ZC3H12B: variants seen among roughly 807,000 people sequenced by gnomAD.
ZC3H12B encodes zinc finger CCCH-type containing 12B.
A neutral mutation model predicts 43.9 loss-of-function variants in ZC3H12B; 7 were observed. The observed-to-expected ratio is 0.16, with a 90% CI of 0.09 to 0.30. The LOEUF (loss-of-function observed/expected upper bound fraction) is 0.30. ZC3H12B is among the 10% of genes least tolerant of loss of function. ZC3H12B has a pLI of 1.00. For synonymous variants in ZC3H12B, 222 were observed against 241.7 expected, an observed-to-expected ratio of 0.92 and a Z score of 0.76; for missense variants, 475 against 670.2, an observed-to-expected ratio of 0.71 and a Z score of 3.22.
the ZC3H12B span, among the ~76,000 whole-genome samples, chrX:65,122,480 C>T: frequency 1.8e-5 from 2 of 111,108 alleles, no homozygotes; most frequent in African/African-American, 6.5e-5. Context: ...CATCAACTGA[C>T]AAGCAAAATA....
At chrX:65,382,225 C>G (rs1415785532) in intron 2 of ZC3H12B, among the ~76,000 whole-genome samples, 2 of 110,044 alleles carry the variant, frequency 1.8e-5, no homozygotes, top group African/African-American at 3.3e-5. Context: ...CAAACCGAAT[C>G]CAGCAGCACA....
upstream of ZC3H12B, among the ~76,000 whole-genome samples, chrX:65,362,865 T>C (rs747140401): frequency 9.0e-6 from 1 of 111,587 alleles, no homozygotes; most frequent in Admixed American, 9.5e-5. Flanking sequence ...AACCAAATTG[T>C]CTTGCCTATC....
chrX:65,224,487 G>A, the ZC3H12B span, among the ~76,000 whole-genome samples: 6 of 112,632 alleles, frequency 5.3e-5, no homozygotes, highest in Non-Finnish European at 7.5e-5. Context: ...CTGAAGTACC[G>A]GGTTCATCTC....
the ZC3H12B span, among the ~76,000 whole-genome samples, chrX:65,359,906 T>G: frequency 2.7e-5 from 3 of 111,950 alleles, no homozygotes; most frequent in African/African-American, 9.7e-5. Flanking sequence ...AAAGAGCCAA[T>G]GAATTTTGCA....
At chrX:65,118,292 G>T in the ZC3H12B span, among the ~76,000 whole-genome samples, 5 of 111,474 alleles carry the variant, frequency 4.5e-5, no homozygotes, top group Non-Finnish European at 9.4e-5. Flanking sequence ...CACGTAAGTT[G>T]GATTCTTAGG....
chrX:65,230,441 G>A, the ZC3H12B span, among the ~76,000 whole-genome samples: 1 of 108,519 alleles, frequency 9.2e-6, no homozygotes, highest in Non-Finnish European at 1.9e-5. Flanking sequence ...GCTAAATGAC[G>A]AGTTAATGGG....
At chrX:65,104,904 G>A in the ZC3H12B span, among the ~76,000 whole-genome samples, 9 of 111,624 alleles carry the variant, frequency 8.1e-5, no homozygotes, top group South Asian at 2.6e-3. Context: ...CCATTACTGT[G>A]TATATACCCA....
the ZC3H12B span, among the ~76,000 whole-genome samples, chrX:65,301,642 T>C: frequency 9.0e-6 from 1 of 110,961 alleles, no homozygotes; most frequent in Non-Finnish European, 1.9e-5. Flanking sequence ...CACTCATAAG[T>C]GGGAGCTAAG....
chrX:65,334,843 G>C, the ZC3H12B span, among the ~76,000 whole-genome samples: 1 of 111,281 alleles, frequency 9.0e-6, no homozygotes, highest in Admixed American at 9.6e-5. Flanking sequence ...TATGAAACAA[G>C]ACAAGGCAAT....
At chrX:65,376,039 G>T (rs1014520521) in intron 2 of ZC3H12B, among the ~76,000 whole-genome samples, 9 of 112,047 alleles carry the variant, frequency 8.0e-5, no homozygotes, top group African/African-American at 2.9e-4. Context: ...ATTTCTGGAC[G>T]TGCCTTGGGC....
At chrX:65,078,349 G>A in the ZC3H12B span, among the ~76,000 whole-genome samples, 92 of 112,339 alleles carry the variant, frequency 8.2e-4, no homozygotes, top group African/African-American at 2.8e-3. Context: ...TATAGATAGA[G>A]AATGAGTCCA....
chrX:65,398,984 T>C (rs1214578029), intron 3 of ZC3H12B, among the ~76,000 whole-genome samples: 1 of 111,849 alleles, frequency 8.9e-6, no homozygotes, highest in Admixed American at 9.5e-5. Flanking sequence ...TGCAGAAGAA[T>C]GAAATTAGAT....
the ZC3H12B span, among the ~76,000 whole-genome samples, chrX:65,065,880 AT>A: frequency 3.0e-5 from 3 of 99,763 alleles, no homozygotes; most frequent in African/African-American, 1.1e-4. Flanking sequence ...TTCACTCTTT[AT>A]TTCATTAAGT....
the ZC3H12B span, among the ~76,000 whole-genome samples, chrX:65,301,788 A>T: frequency 1.8e-5 from 2 of 111,313 alleles, no homozygotes; most frequent in Non-Finnish European, 3.8e-5. Flanking sequence ...CCAAAATCTC[A>T]CAAATCACTG....
chrX:65,270,602 A>T, the ZC3H12B span, among the ~76,000 whole-genome samples: 3 of 111,662 alleles, frequency 2.7e-5, no homozygotes, highest in Non-Finnish European at 5.6e-5. Context: ...GCTAACCTAC[A>T]GCCTGGGAAA....
chrX:65,280,104 G>A, the ZC3H12B span, among the ~76,000 whole-genome samples: 3 of 111,669 alleles, frequency 2.7e-5, no homozygotes, highest in Non-Finnish European at 5.7e-5. Flanking sequence ...CAACAAAAAA[G>A]GAAAACCACA....
At chrX:65,403,553 TA>T (rs1171469420) in intron 3 of ZC3H12B, among the ~76,000 whole-genome samples, 1 of 110,864 alleles carries the variant, frequency 9.0e-6, no homozygotes, top group African/African-American at 3.3e-5. Context: ...AGACCAAGGA[TA>T]AAAAAAGGAT....
At chrX:65,151,010 A>G in the ZC3H12B span, among the ~76,000 whole-genome samples, 3 of 112,163 alleles carry the variant, frequency 2.7e-5, 1 homozygote, top group Non-Finnish European at 5.6e-5. Context: ...CATGTATAAT[A>G]ATTCATTTAT....
At chrX:65,225,521 C>T in the ZC3H12B span, among the ~76,000 whole-genome samples, 22 of 112,450 alleles carry the variant, frequency 2.0e-4, no homozygotes, top group South Asian at 1.8e-3. Flanking sequence ...CAAAGCTGGA[C>T]GGAGAATGAC....
Sources: gnomAD v4.1 joint callset for allele counts (sites outside exome capture counted in the v4.1 genomes callset) on GRCh38, gnomAD v4.1.1 for gene constraint, MANE v1.5 for transcripts, NCBI Gene and HGNC (gene_info 2026-07-23, HGNC 2026-07-21) for gene names.